The following ADAM32 variants were observed in gnomAD, a reference collection of about 807,000 sequenced individuals.
The protein encoded by ADAM32 is ADAM metallopeptidase domain 32, also known as disintegrin and metalloproteinase domain-containing protein 32.
In ADAM32, 89 loss-of-function variants were observed where a neutral mutation model predicts 114.9. The observed-to-expected ratio is 0.77, with a 90% CI of 0.65 to 0.92. The LOEUF is 0.92. ADAM32 is among the 40% of genes least tolerant of loss of function. The pLI, the probability that ADAM32 is intolerant of heterozygous loss-of-function variation, is 0.00. For synonymous variants in ADAM32, 285 were observed against 307.5 expected (o/e 0.93, Z 0.77); for missense variants, 870 against 932.8 (o/e 0.93, Z 0.88).
At chr8:39,184,023 G>A (rs976185918) in intron 10 of ADAM32, among the ~76,000 whole-genome samples, 6 of 152,216 alleles carry the variant, frequency 3.9e-5, no homozygotes, top group South Asian at 2.1e-4. Flanking sequence ...TAATCCAACA[G>A]GGGCATAGTG....
Position 39,124,669 on chromosome 8 carries a change from C to G in ADAM32, c.138+6504C>G, listed in dbSNP as rs558484122. Among the ~76,000 whole-genome samples the G allele has an allele frequency of 1.2e-4, 18 of 152,206 alleles. 1 individual carries two copies. The highest frequency in any genetic ancestry group is 5.9e-4 in the Admixed American group (9 of 15,294). On this transcript the variant is annotated intron_variant, in intron 2 of 24. Transcript: ENST00000379907. ...CTGACCTTGTGATCCACCGCCTTGG[C>G]CTCCCAAAGTGCTGAGATTACAGGC...
At chr8:39,260,494 A>G (rs1183850023) in intron 19 of ADAM32, among the ~76,000 whole-genome samples, 1 of 152,054 alleles carries the variant, frequency 6.6e-6, no homozygotes, top group Non-Finnish European at 1.5e-5. Flanking sequence ...GTTGAGGTAT[A>G]TTTCTTCTAT....
chr8:39,176,003 T>C (rs557328502), intron 10 of ADAM32, among the ~76,000 whole-genome samples: 2 of 152,322 alleles, frequency 1.3e-5, no homozygotes, highest in South Asian at 4.1e-4. Context: ...GATGGTTGTT[T>C]GTATTTCTGT....
At chr8:39,236,719 C>G (rs994364221) in intron 16 of ADAM32, among the ~76,000 whole-genome samples, 2 of 152,130 alleles carry the variant, frequency 1.3e-5, no homozygotes, top group Non-Finnish European at 2.9e-5. Flanking sequence ...AATCCCCATA[C>G]TCTTTGAGGC....
intron 3 of ADAM32, among the ~76,000 whole-genome samples, chr8:39,138,088 C>G (rs907410967): frequency 6.6e-6 from 1 of 152,104 alleles, no homozygotes; most frequent in Non-Finnish European, 1.5e-5. Context: ...GAAGCTACTG[C>G]AAATAGTTTA....
Position 39,254,487 on chromosome 8 carries a change from G to A in ADAM32, c.1976G>A (p.Gly659Glu), listed in dbSNP as rs766436330. Residue 659 changes from glycine (G) to glutamate (E), a missense_variant, in exon 18 of 25, where the codon GGA becomes GAA. By Grantham distance (98) the Gly-to-Glu change is moderately conservative. Coordinates refer to ENST00000379907, the MANE Select transcript of ADAM32 (RefSeq NM_145004.7). ...CCAAACTGCCAAATACGTTCCAAAG[G>A]ATTTTCCATATTTCCTGAGGAAGAT... ...KPPNCQIRSK[G>E]FSIFPEEDMG... 3.6e-5 allele frequency: 57 copies of A among 1,591,936 alleles called. No individual in the cohort carries two copies. Among genetic ancestry groups the A allele is most frequent in the Non-Finnish European group, 4.4e-5 (51 of 1,168,322 alleles).
At chr8:39,264,359 T>C (rs190600313) in intron 19 of ADAM32, among the ~76,000 whole-genome samples, 1 of 152,318 alleles carries the variant, frequency 6.6e-6, no homozygotes, top group Admixed American at 6.5e-5. Context: ...GTGTTTGTAA[T>C]AGTTTCTGAA....
Position 39,165,445 on chromosome 8 carries a change from G to A in ADAM32, c.833+249G>A, listed in dbSNP as rs532655571. On this transcript the variant is annotated intron_variant, in intron 9 of 24. Coordinates refer to ENST00000379907, the MANE Select transcript of ADAM32 (RefSeq NM_145004.7). ...GTTTCAAGAGGTTAAGCCATCTCAG[G>A]ACTCTTGGATCTGGTGGTACTACTA... 37 of 292,536 alleles carry A rather than the reference G, an allele frequency of 1.3e-4. No individual in the cohort carries two copies. In the South Asian group the frequency reaches 3.2e-3, roughly 25 times the overall value. The allele number at this position is 292,536 out of a possible 1,614,324, so 18.1% of individuals were successfully genotyped here. A position where few individuals can be genotyped will look rare whatever the true frequency, so the allele number is the denominator to read the frequency against.
intron 11 of ADAM32, among the ~76,000 whole-genome samples, chr8:39,204,570 G>T (rs552966329): frequency 6.6e-6 from 1 of 152,222 alleles, no homozygotes; most frequent in African/African-American, 2.4e-5. Flanking sequence ...TTTGTGATAG[G>T]TTCAAACTTC....
chr8:39,253,793 C>T (rs6984156), intron 17 of ADAM32, among the ~76,000 whole-genome samples: 8,178 of 151,456 alleles, frequency 0.054, 756 homozygotes, highest in African/African-American at 0.19. Flanking sequence ...AGATATTCCA[C>T]GGATTGAAGA....
At chr8:39,224,276 C>T (rs1323384767) in intron 14 of ADAM32, 1 of 152,098 alleles carries the variant, frequency 6.6e-6, no homozygotes, top group African/African-American at 2.4e-5. Context: ...TGATTCATTT[C>T]CTTTGAATCT....
At chr8:39,268,544 G>A (rs1387380155) in intron 19 of ADAM32, among the ~76,000 whole-genome samples, 1 of 152,074 alleles carries the variant, frequency 6.6e-6, no homozygotes, top group Non-Finnish European at 1.5e-5. Context: ...CTCAGTCTAA[G>A]GCTTGTCTTC....
intron 10 of ADAM32, among the ~76,000 whole-genome samples, chr8:39,179,659 A>G (rs1465074561): frequency 6.6e-6 from 1 of 152,054 alleles, no homozygotes; most frequent in Non-Finnish European, 1.5e-5. Flanking sequence ...GGGCTGCACA[A>G]TCACTCATCA....
At chr8:39,123,348 A>G (rs7834462) in intron 2 of ADAM32, among the ~76,000 whole-genome samples, 6,212 of 152,138 alleles carry the variant, frequency 0.041, 440 homozygotes, top group African/African-American at 0.14. Context: ...TTATTTCCAT[A>G]TATATTTTTA....
chr8:39,232,224 G>T (rs1809788074), intron 15 of ADAM32, 89 bp downstream of exon 15: 2 of 1,043,560 alleles, frequency 1.9e-6, no homozygotes, highest in African/African-American at 1.6e-5. Context: ...CATTCCAGTG[G>T]TTTAAAGTAT....
chr8:39,160,806 G>T (rs1299844591), intron 6 of ADAM32, 91 bp from the exon 7 acceptor site: 2 of 1,099,302 alleles, frequency 1.8e-6, no homozygotes, highest in East Asian at 5.3e-5. Context: ...TGCATATCTT[G>T]TAAGTGCTGT....
intron 16 of ADAM32, among the ~76,000 whole-genome samples, chr8:39,241,624 C>G (rs1453949422): frequency 6.6e-6 from 1 of 152,230 alleles, no homozygotes; most frequent in Non-Finnish European, 1.5e-5. Context: ...TGAGCTGTAC[C>G]TTGGTCCCTT....
intron 2 of ADAM32, among the ~76,000 whole-genome samples, chr8:39,133,846 C>T (rs983969330): frequency 5.3e-5 from 8 of 152,126 alleles, no homozygotes; most frequent in East Asian, 3.9e-4. Context: ...TCAAGGACTG[C>T]GTTTGGGTGG....
chr8:39,203,009 A>C (rs917381660), intron 11 of ADAM32, among the ~76,000 whole-genome samples: 2 of 152,110 alleles, frequency 1.3e-5, no homozygotes, highest in Non-Finnish European at 2.9e-5. Context: ...GTTTGTTATA[A>C]TTTCTATTCT....
Sources: allele counts gnomAD v4.1 joint callset (sites outside exome capture counted in the v4.1 genomes callset), GRCh38; gene constraint gnomAD v4.1.1; transcripts MANE v1.5; gene names NCBI Gene and HGNC (gene_info 2026-07-23, HGNC 2026-07-21).